NSMCE2: variants seen among roughly 807,000 people sequenced by gnomAD.
NSMCE2 encodes the protein NSE2 SUMO ligase component of SMC5/6 complex.
A neutral mutation model predicts 23.8 loss-of-function variants in NSMCE2; 24 were observed. The ratio of observed to expected loss-of-function variants is 1.01; its 90% CI spans 0.73 to 1.42. The LOEUF is 1.42. Ranked by LOEUF, NSMCE2 falls within the 40% of genes most tolerant of loss-of-function variation. NSMCE2 has a pLI of 0.00. For missense variants in NSMCE2, 284 were observed against 296.5 expected (o/e 0.96, Z 0.31); for synonymous variants, 92 against 94.1 (o/e 0.98, Z 0.13).
At chr8:125,167,696 G>A (rs1821962076) in intron 4 of NSMCE2, among the ~76,000 whole-genome samples, 1 of 151,854 alleles carries the variant, frequency 6.6e-6, no homozygotes, top group Non-Finnish European at 1.5e-5. Flanking sequence ...ATGCTAAAGG[G>A]ATGGGAATAG....
chr8:125,150,104 GC>G (rs1820914413), intron 3 of NSMCE2, among the ~76,000 whole-genome samples: 1 of 151,806 alleles, frequency 6.6e-6, no homozygotes, highest in Non-Finnish European at 1.5e-5. Context: ...CTGCCTTATG[GC>G]CAGTTTTTCT....
chr8:125,131,077 A>G (rs2891633), intron 3 of NSMCE2, among the ~76,000 whole-genome samples: 1,953 of 152,248 alleles, frequency 0.013, 36 homozygotes, highest in African/African-American at 0.045. Flanking sequence ...CTTCAGTGAC[A>G]TTTGTCATGC....
chr8:125,118,757 A>G (rs757426379), intron 3 of NSMCE2, among the ~76,000 whole-genome samples: 11 of 152,048 alleles, frequency 7.2e-5, no homozygotes, highest in East Asian at 1.9e-4. Context: ...TTTTAGATCA[A>G]CTCTTCCAGG....
chr8:125,210,268 T>C (rs778763105), intron 5 of NSMCE2, among the ~76,000 whole-genome samples: 8 of 152,244 alleles, frequency 5.3e-5, no homozygotes, highest in Non-Finnish European at 1.0e-4. Context: ...ATGTTATGTG[T>C]TAGCTATTCA....
intron 3 of NSMCE2, among the ~76,000 whole-genome samples, chr8:125,110,541 T>C (rs1281402256): frequency 2.0e-5 from 3 of 152,172 alleles, no homozygotes; most frequent in Non-Finnish European, 4.4e-5. Context: ...CTGTCCCCAC[T>C]TTACACATGA....
chr8:125,159,546 A>G (rs577199872), intron 4 of NSMCE2, among the ~76,000 whole-genome samples: 1 of 152,260 alleles, frequency 6.6e-6, no homozygotes, highest in African/African-American at 2.4e-5. Flanking sequence ...TTGTGTAAGT[A>G]CACTCCGTGA....
chr8:125,186,941 T>G (rs999047502), intron 5 of NSMCE2, among the ~76,000 whole-genome samples: 3 of 152,244 alleles, frequency 2.0e-5, no homozygotes, highest in African/African-American at 7.2e-5. Context: ...TTACTAGGCA[T>G]TAGATATAAC....
intron 3 of NSMCE2, among the ~76,000 whole-genome samples, chr8:125,110,798 T>A (rs1818705222): frequency 6.8e-6 from 1 of 147,004 alleles, no homozygotes; most frequent in African/African-American, 2.6e-5. Context: ...AGGATAATGT[T>A]ATCTGATTTT....
chr8:125,340,072 T>C (rs1198320280), intron 5 of NSMCE2, among the ~76,000 whole-genome samples: 1 of 136,024 alleles, frequency 7.4e-6, no homozygotes, highest in African/African-American at 2.8e-5. Context: ...GGGAGTGCAG[T>C]GGCGCAATCT....
intron 2 of NSMCE2, 34 bp from the exon 3 acceptor site, chr8:125,102,283 T>G: frequency 6.8e-7 from 1 of 1,461,736 alleles, no homozygotes; most frequent in Non-Finnish European, 9.6e-7. Context: ...TATTCTGACT[T>G]ACGAATCTTG....
chr8:125,334,403 C>A (rs1829997221), intron 5 of NSMCE2, among the ~76,000 whole-genome samples: 1 of 152,168 alleles, frequency 6.6e-6, no homozygotes, highest in Non-Finnish European at 1.5e-5. Flanking sequence ...ATTCACACAG[C>A]AACAGAACAG....
Position 125,126,638 on chromosome 8 carries a change from A to G in NSMCE2, c.157+24151A>G, listed in dbSNP as rs1466308147. ...CCCTTTTTGGCAAAGAGGGCATCAT[A>G]TTCTGTTGGCTAGGCAGAATAACCT... On this transcript the variant is annotated intron_variant, in intron 3 of 7. Coordinates refer to ENST00000287437, the MANE Select transcript of NSMCE2 (RefSeq NM_173685.4). Among the ~76,000 whole-genome samples the G allele has an allele frequency of 2.6e-5, 4 of 152,192 alleles. No individual in the cohort carries two copies. The East Asian group carries it at 5.8e-4, about 22-fold the overall frequency.
chr8:125,150,138 C>T (rs1004595590), intron 3 of NSMCE2, among the ~76,000 whole-genome samples: 1 of 152,056 alleles, frequency 6.6e-6, no homozygotes, highest in Non-Finnish European at 1.5e-5. Flanking sequence ...GTTTTCTCTT[C>T]CCTTTTCCCT....
At chr8:125,353,686 C>T (rs1335316965) in intron 5 of NSMCE2, among the ~76,000 whole-genome samples, 1 of 151,854 alleles carries the variant, frequency 6.6e-6, no homozygotes, top group Non-Finnish European at 1.5e-5. Context: ...AGTTCGAGAC[C>T]AGCGTGGCCA....
intron 5 of NSMCE2, among the ~76,000 whole-genome samples, chr8:125,315,135 ATGTGTGTT>A (rs1213252499): frequency 4.7e-5 from 7 of 149,836 alleles, no homozygotes; most frequent in African/African-American, 1.5e-4. Flanking sequence ...TTTTCTTTTC[ATGTGTGTT>A]TGTGTGTTAG....
At chr8:125,205,335 A>C (rs983933700) in intron 5 of NSMCE2, among the ~76,000 whole-genome samples, 10 of 152,224 alleles carry the variant, frequency 6.6e-5, no homozygotes, top group Non-Finnish European at 1.3e-4. Context: ...ATTTGAGGCA[A>C]ATTTTATGGT....
intron 3 of NSMCE2, among the ~76,000 whole-genome samples, chr8:125,138,751 G>A (rs983513650): frequency 2.6e-5 from 4 of 152,118 alleles, no homozygotes; most frequent in African/African-American, 9.7e-5. Flanking sequence ...GCAAAGATTC[G>A]CAGGGTAGGA....
chr8:125,114,098 T>C (rs1818886329), intron 3 of NSMCE2, among the ~76,000 whole-genome samples: 1 of 152,200 alleles, frequency 6.6e-6, no homozygotes, highest in African/African-American at 2.4e-5. Flanking sequence ...TTTTGCCCGG[T>C]ATGTCTAGGC....
intron 3 of NSMCE2, among the ~76,000 whole-genome samples, chr8:125,133,907 C>T (rs1819914039): frequency 6.6e-6 from 1 of 152,136 alleles, no homozygotes; most frequent in Non-Finnish European, 1.5e-5. Flanking sequence ...TATCACTAAT[C>T]AGAATCACTT....
Sources: allele counts gnomAD v4.1 joint callset (sites outside exome capture counted in the v4.1 genomes callset), GRCh38; gene constraint gnomAD v4.1.1; transcripts MANE v1.5; gene names NCBI Gene and HGNC (gene_info 2026-07-23, HGNC 2026-07-21).